OTUD7A: variants seen among roughly 807,000 people sequenced by gnomAD.
The protein encoded by OTUD7A is OTU domain-containing protein 7A.
In OTUD7A, 12 loss-of-function variants were observed where a neutral mutation model predicts 65.7. The ratio of observed to expected loss-of-function variants is 0.18; its 90% CI spans 0.12 to 0.30. OTUD7A has a LOEUF of 0.30. OTUD7A is among the 10% of genes least tolerant of loss of function. OTUD7A has a pLI of 1.00. For synonymous variants in OTUD7A, 641 were observed against 586.3 expected (o/e 1.09, Z -1.35); for missense variants, 1,148 against 1,304.8 (o/e 0.88, Z 1.85).
chr15:31,818,404 A>G (rs1489911981), intron 1 of OTUD7A, among the ~76,000 whole-genome samples: 1 of 152,204 alleles, frequency 6.6e-6, no homozygotes, highest in Non-Finnish European at 1.5e-5. Context: ...AAAAATAGAA[A>G]CCACTAACAT....
intron 3 of OTUD7A, among the ~76,000 whole-genome samples, chr15:31,633,090 G>T (rs918820976): frequency 2.6e-5 from 4 of 152,198 alleles, no homozygotes; most frequent in Non-Finnish European, 5.9e-5. Context: ...GCAATGCCTT[G>T]CCCTGCTTCG....
At chr15:31,539,391 C>T (rs1887916234) in intron 5 of OTUD7A, among the ~76,000 whole-genome samples, 1 of 152,082 alleles carries the variant, frequency 6.6e-6, no homozygotes, top group South Asian at 2.1e-4. Flanking sequence ...GAGGTCTACA[C>T]TTGGGAGAAG....
chr15:31,614,225 C>CA (rs766577859), intron 3 of OTUD7A, among the ~76,000 whole-genome samples: 5 of 151,818 alleles, frequency 3.3e-5, no homozygotes, highest in Non-Finnish European at 7.4e-5. Flanking sequence ...ATGGGTGCAC[C>CA]AAAATCTCAC....
At chr15:31,762,490 C>A (rs982618633) in intron 1 of OTUD7A, among the ~76,000 whole-genome samples, 3 of 152,228 alleles carry the variant, frequency 2.0e-5, no homozygotes, top group African/African-American at 7.2e-5. Context: ...AAGAAAGTAA[C>A]CCTGTAAAGG....
At chr15:31,720,882 GACAGGTAT>G (rs1893718968) in intron 1 of OTUD7A, among the ~76,000 whole-genome samples, 1 of 151,090 alleles carries the variant, frequency 6.6e-6, no homozygotes, top group Non-Finnish European at 1.5e-5. Context: ...AAGTGCCCTA[GACAGGTAT>G]ACCATTTTTA....
chr15:31,542,981 G>C (rs1299694670), intron 5 of OTUD7A, among the ~76,000 whole-genome samples: 1 of 151,910 alleles, frequency 6.6e-6, no homozygotes, highest in Non-Finnish European at 1.5e-5. Flanking sequence ...TAAAGAAACT[G>C]TAAAGGATGA....
At chr15:31,593,488 A>ACT (rs1409141113) in intron 3 of OTUD7A, among the ~76,000 whole-genome samples, 1 of 151,650 alleles carries the variant, frequency 6.6e-6, no homozygotes, top group Non-Finnish European at 1.5e-5. Flanking sequence ...CGTGGCGAAA[A>ACT]CTCTGCTTAT....
chr15:31,709,134 G>T (rs1210517627), intron 1 of OTUD7A, among the ~76,000 whole-genome samples: 2 of 151,614 alleles, frequency 1.3e-5, no homozygotes, highest in African/African-American at 4.9e-5. Context: ...AGCTGTGTGC[G>T]CTCCTGCAGA....
chr15:31,759,239 A>C (rs1470318577), intron 1 of OTUD7A, among the ~76,000 whole-genome samples: 1 of 152,230 alleles, frequency 6.6e-6, no homozygotes, highest in Non-Finnish European at 1.5e-5. Flanking sequence ...ATCTTTTAAA[A>C]GACACTAATG....
intron 1 of OTUD7A, among the ~76,000 whole-genome samples, chr15:31,735,318 G>A (rs1894158011): frequency 6.6e-6 from 1 of 152,114 alleles, no homozygotes; most frequent in Admixed American, 6.5e-5. Flanking sequence ...CTGAGGTCAG[G>A]GGTTCAAGAC....
chr15:31,599,743 A>G (rs1452399132), intron 3 of OTUD7A, among the ~76,000 whole-genome samples: 2 of 152,170 alleles, frequency 1.3e-5, no homozygotes, highest in Admixed American at 6.5e-5. Context: ...AAGAACCTTG[A>G]AAAAAGGTTA....
intron 1 of OTUD7A, among the ~76,000 whole-genome samples, chr15:31,792,973 G>A (rs931113086): frequency 1.3e-5 from 2 of 152,126 alleles, no homozygotes; most frequent in Admixed American, 6.5e-5. Flanking sequence ...CCTCCTCACC[G>A]CCGGCCACGG....
Position 31,493,803 on chromosome 15 carries a change from G to A in OTUD7A, c.1172-6237C>T, listed in dbSNP as rs186398964. Among the ~76,000 whole-genome samples, 464 of 152,246 alleles carry A rather than the reference G, an allele frequency of 3.0e-3. 2 individuals carry two copies. Among genetic ancestry groups the A allele is most frequent in the African/African-American group, 0.01 (426 of 41,550 alleles). On this transcript the variant is annotated intron_variant, in intron 10 of 12. Coordinates refer to ENST00000307050, the MANE Select transcript of OTUD7A (RefSeq NM_001382637.1). ...TGGGAAATTAACGAATAGTTTGAAC[G>A]GAATGAAAATGCAAATATAGCACAT...
At chr15:31,506,980 GTGTAATAATTGTTTT>G (rs1243779089) in intron 8 of OTUD7A, among the ~76,000 whole-genome samples, 1 of 152,202 alleles carries the variant, frequency 6.6e-6, no homozygotes, top group Non-Finnish European at 1.5e-5. Context: ...AAATGTAATA[GTGTAATAATTGTTTT>G]TAAAGTGTGA....
In OTUD7A at chr15:31,484,007, T is replaced by TGGCGGC. The variant is rs199744400; in HGVS notation, c.2083_2088dup (p.Ala695_Ala696dup). 488 of 1,171,276 alleles carry TGGCGGC rather than the reference T, an allele frequency of 4.2e-4. No homozygotes were observed. The highest frequency in any genetic ancestry group is 4.9e-4 in the Non-Finnish European group (462 of 952,320). The allele number at this position is 1,171,276 out of a possible 1,614,324, so 72.6% of individuals were successfully genotyped here. A position where few individuals can be genotyped will look rare whatever the true frequency, so the allele number is the denominator to read the frequency against. The stretch of plus-strand genomic sequence containing the variant: ...GGTCTGCGCGGCGGCCGCTTGGCCG[T>TGGCGGC]GGCGGCGGCGGCGGCGGCGGCAGCG... On this transcript the variant is annotated inframe_insertion, in exon 13 of 13. Coordinates refer to ENST00000307050, the MANE Select transcript of OTUD7A (RefSeq NM_001382637.1). The surrounding 1 kb of genome is among the most constrained non-coding windows in gnomAD (Gnocchi z 4.5).
chr15:31,609,479 A>G (rs902130073), intron 3 of OTUD7A, among the ~76,000 whole-genome samples: 2 of 152,080 alleles, frequency 1.3e-5, no homozygotes, highest in African/African-American at 4.8e-5. Flanking sequence ...TGCATGACTC[A>G]GCAGAGGCAG....
rs377558761 is a variant in OTUD7A at position 31,573,257 on chromosome 15, C to T, written c.152-3060G>A. Reference sequence around the variant, plus strand: ...ATATGAGCTAAGAAAGCTTTATGCCCATCCAGTCTACTCTTTTCTGTATAA... The same window carrying T: ...ATATGAGCTAAGAAAGCTTTATGCCTATCCAGTCTACTCTTTTCTGTATAA... On this transcript the variant is annotated intron_variant, in intron 3 of 12. Coordinates refer to ENST00000307050, the MANE Select transcript of OTUD7A (RefSeq NM_001382637.1). 2.7e-4 allele frequency among the ~76,000 whole-genome samples: 41 copies of T among 152,310 alleles called. 1 individual carries two copies. In the East Asian group the frequency reaches 3.7e-3, roughly 14 times the overall value.
At chr15:31,507,515 C>T (rs1219658641) in intron 8 of OTUD7A, among the ~76,000 whole-genome samples, 1 of 152,126 alleles carries the variant, frequency 6.6e-6, no homozygotes, top group Non-Finnish European at 1.5e-5. Flanking sequence ...GCGTGTTACA[C>T]CTCTTAAGTG....
At chr15:31,768,698 G>A (rs551355290) in intron 1 of OTUD7A, among the ~76,000 whole-genome samples, 23 of 151,866 alleles carry the variant, frequency 1.5e-4, no homozygotes, top group Middle Eastern at 3.5e-3. Flanking sequence ...CACTTTCGGC[G>A]TCTGCAGATG....
Sources: allele counts gnomAD v4.1 joint callset (sites outside exome capture counted in the v4.1 genomes callset), GRCh38; gene constraint gnomAD v4.1.1; non-coding constraint Gnocchi (gnomAD v3.1); transcripts MANE v1.5; gene names NCBI Gene and HGNC (gene_info 2026-07-23, HGNC 2026-07-21).